The following CCDC125 variants were observed in gnomAD, a reference collection of about 807,000 sequenced individuals.
The protein encoded by CCDC125 is coiled-coil domain-containing protein 125.
A neutral mutation model predicts 57.4 loss-of-function variants in CCDC125; 43 were observed. The observed-to-expected ratio is 0.75, with a 90% CI of 0.59 to 0.97. CCDC125 has a LOEUF of 0.97. CCDC125 is among the 50% of genes least tolerant of loss of function. CCDC125 has a pLI of 0.00. For synonymous variants in CCDC125, 187 were observed against 195.2 expected (o/e 0.96, Z 0.35); for missense variants, 563 against 595.7 (o/e 0.95, Z 0.57).
At chr5:69,276,705 T>C, downstream of CCDC125, 2 of 1,604,082 alleles carry the variant, frequency 1.2e-6, no homozygotes, top group Non-Finnish European at 1.7e-6. Flanking sequence ...GATTCCCACT[T>C]TTAAAAGAAA....
chr5:69,295,084 T>C (rs1276895202), intron 8 of CCDC125, among the ~76,000 whole-genome samples, 184 bp from the exon 9 acceptor site: 2 of 152,070 alleles, frequency 1.3e-5, no homozygotes, highest in Non-Finnish European at 2.9e-5. Context: ...CAAATAGAAA[T>C]TAACTACAAA....
In CCDC125 at chr5:69,318,775, A is replaced by G. The variant is rs370534910; in HGVS notation, c.304+1462T>C. Among the ~76,000 whole-genome samples the G allele has an allele frequency of 5.9e-5, 9 of 151,722 alleles. No individual in the cohort carries two copies. In the East Asian group the frequency reaches 1.5e-3, roughly 26 times the overall value. ...CCTCATAATAAATAAATAAAAATAA[A>G]AAATAAAAAGAAAAGTAAAAAGAAA... On this transcript the variant is annotated intron_variant, in intron 2 of 11. Coordinates refer to ENST00000396496, the MANE Select transcript of CCDC125 (RefSeq NM_176816.5).
downstream of CCDC125, chr5:69,276,749 G>C (rs766530613): frequency 5.6e-6 from 8 of 1,436,468 alleles, no homozygotes; most frequent in Non-Finnish European, 7.7e-6. Flanking sequence ...AATAGCTCGT[G>C]TATGGCTAGC....
chr5:69,274,457 A>C, the CCDC125 span, among the ~76,000 whole-genome samples: 5 of 152,222 alleles, frequency 3.3e-5, no homozygotes, highest in African/African-American at 1.2e-4. Context: ...CAACATGACA[A>C]AACATCATCT....
rs1302703690 is a variant in CCDC125, at chr5:69,320,397, A to G, written c.144T>C (p.Ser48=). ...GIYEIEFSHR[S]RKRSDGKNFS... is the part of the protein sequence containing the mutation. ...AGTTCTTTCCATCTGATCTTTTTCT[A>G]GACCTATGTGAAAATTCTATTTCAT... The change falls in exon 2 of 12, where the codon TCT becomes TCC. Residue 48 remains serine, a synonymous_variant. Transcript: ENST00000396496. 1 of 1,614,100 alleles carries G rather than the reference A, an allele frequency of 6.2e-7. No individual in the cohort carries two copies.
At chr5:69,313,353 C>G in intron 3 of CCDC125, 3 of 1,206,876 alleles carry the variant, frequency 2.5e-6, no homozygotes, top group Non-Finnish European at 3.6e-6. Context: ...ATGCTCTAGG[C>G]AGGTGGCCAG....
downstream of CCDC125, among the ~76,000 whole-genome samples, chr5:69,278,214 A>ATTTTAT (rs1554068146): frequency 4.1e-5 from 6 of 148,098 alleles, no homozygotes; most frequent in Admixed American, 6.8e-5. Context: ...ACTTTATTTT[A>ATTTTAT]TTTTTTTTTG....
In CCDC125 at chr5:69,280,326, A is replaced by G. The variant is rs555241861; in HGVS notation, c.*2403T>C. ...CTCAAACTGATCCTTTGCACATGAT[A>G]ATAATAAAAAACACACCTCTAGGTG... On this transcript the variant is annotated 3_prime_UTR_variant, in exon 12 of 12. Coordinates refer to ENST00000396496, the MANE Select transcript of CCDC125 (RefSeq NM_176816.5). 14 of 152,296 alleles carry G rather than the reference A, an allele frequency of 9.2e-5. No homozygotes were observed. In the South Asian group the frequency reaches 1.0e-3, roughly 11 times the overall value. 9.4% of individuals were successfully genotyped at this position (152,296 alleles called of 1,614,324 possible).
At chr5:69,314,462 C>CAAA (rs10709690) in intron 2 of CCDC125, among the ~76,000 whole-genome samples, 2 of 142,822 alleles carry the variant, frequency 1.4e-5, no homozygotes. Flanking sequence ...AACTCTGTTT[C>CAAA]AAAAAAAAAA....
In CCDC125 at chr5:69,300,118, T is replaced by C; in HGVS notation, c.710A>G (p.Gln237Arg). 6.2e-7 allele frequency: 1 copy of C among 1,613,492 alleles called. No individual in the cohort carries two copies. Among genetic ancestry groups the C allele is most frequent in the Non-Finnish European group, 8.5e-7 (1 of 1,179,418 alleles). The change falls in exon 8 of 12, where the codon CAA becomes CGA. Residue 237 changes from glutamine to arginine, a missense_variant. Coordinates refer to ENST00000396496, the MANE Select transcript of CCDC125 (RefSeq NM_176816.5). ...MLKSDNAVLNQRYLEALAMLD... is the reference protein window; with the variant it reads ...MLKSDNAVLNRRYLEALAMLD... The stretch of plus-strand genomic sequence containing the variant: ...CATGGCGAGGGCCTCCAAATACCGT[T>C]GATTCAAAACTAGGAAGGGCCATAT...
chr5:69,308,050 TC>T (rs780056849), intron 4 of CCDC125, 22 bp from the exon 5 acceptor site: 2 of 1,547,226 alleles, frequency 1.3e-6, no homozygotes, highest in African/African-American at 2.7e-5. Flanking sequence ...AAAACTAGCA[TC>T]AGTATAAATT....
rs1003616533 is a variant in CCDC125, at chr5:69,330,533, G to A, written c.-41+2116C>T. Among the ~76,000 whole-genome samples, 11 of 151,904 alleles carry A rather than the reference G, an allele frequency of 7.2e-5. 1 individual carries two copies. The highest frequency in any genetic ancestry group is 5.9e-4 in the Admixed American group (9 of 15,244). On this transcript the variant is annotated intron_variant, in intron 1 of 11. Transcript: ENST00000396496. ...CGCTTGAACCCGGGAGGCAGACATT[G>A]CAGTGAGCCGAGATTGCACCACTGC...
At chr5:69,293,637 G>T (rs1039452764) in intron 9 of CCDC125, among the ~76,000 whole-genome samples, 1 of 124,772 alleles carries the variant, frequency 8.0e-6, no homozygotes, top group African/African-American at 3.0e-5. Context: ...GACAGAGCAA[G>T]AATCCGTCTC....
chr5:69,323,624 G>T (rs1760374217), intron 1 of CCDC125, among the ~76,000 whole-genome samples: 1 of 152,142 alleles, frequency 6.6e-6, no homozygotes, highest in South Asian at 2.1e-4. Context: ...GGTTTGGTTA[G>T]ACTGTACTTG....
At chr5:69,273,995 C>A in the CCDC125 span, among the ~76,000 whole-genome samples, 5 of 152,018 alleles carry the variant, frequency 3.3e-5, no homozygotes, top group Non-Finnish European at 7.4e-5. Flanking sequence ...AAAAATTTTT[C>A]TTTATTATTT....
intron 8 of CCDC125, among the ~76,000 whole-genome samples, chr5:69,295,258 C>G (rs1755124028): frequency 6.6e-6 from 1 of 152,134 alleles, no homozygotes; most frequent in Admixed American, 6.6e-5. Flanking sequence ...CACAGCATAC[C>G]TTTCCTGTAA....
chr5:69,276,510 C>T, downstream of CCDC125: 1 of 1,603,038 alleles, frequency 6.2e-7, no homozygotes, highest in Non-Finnish European at 8.5e-7. Context: ...AGATACTCAC[C>T]TACCTTACTT....
At chr5:69,306,963 T>A (rs1757418704) in intron 5 of CCDC125, 61 bp from the exon 6 acceptor site, 1 of 1,355,606 alleles carries the variant, frequency 7.4e-7, no homozygotes. Flanking sequence ...TTCAGGACAT[T>A]GTGAATAGCT....
At chr5:69,315,128 T>C (rs1015939682) in intron 2 of CCDC125, among the ~76,000 whole-genome samples, 8 of 151,684 alleles carry the variant, frequency 5.3e-5, no homozygotes, top group African/African-American at 1.9e-4. Flanking sequence ...TGGTGGTGCC[T>C]GCCTGTAGTC....
Sources: gnomAD v4.1 joint callset for allele counts (sites outside exome capture counted in the v4.1 genomes callset) on GRCh38, gnomAD v4.1.1 for gene constraint, MANE v1.5 for transcripts, NCBI Gene and HGNC (gene_info 2026-07-23, HGNC 2026-07-21) for gene names.